CHRM4: variants seen among roughly 807,000 people sequenced by gnomAD.
The protein encoded by CHRM4 is cholinergic receptor muscarinic 4.
CHRM4 carries 5 observed loss-of-function variants against 26.3 expected under a neutral mutation model. The ratio of observed to expected loss-of-function variants is 0.19; its 90% CI spans 0.10 to 0.40. The LOEUF is 0.40. Among genes scored for constraint, CHRM4 ranks in the 10% least tolerant of loss-of-function variants. The pLI is 1.00. For missense variants in CHRM4, 402 were observed against 664.5 expected (o/e 0.60, Z 4.34); for synonymous variants, 290 against 285.3 (o/e 1.02, Z -0.16).
rs779329916 is a variant in CHRM4, at chr11:46,385,154, C to A, written c.1404G>T (p.Leu468=). The A allele has an allele frequency of 6.2e-7, 1 of 1,612,992 alleles. No homozygotes were observed. Among genetic ancestry groups the A allele is most frequent in the East Asian group, 2.2e-5 (1 of 44,860 alleles). ...ATFKKTFRHL[L]LCQYRNIGTA... is the part of the protein sequence containing the mutation. ...TGCCGATGTTCCGATACTGGCACAG[C>A]AGCAGGTGCCGGAAGGTCTTTTTAA... Residue 468 remains leucine (L), a synonymous_variant, in exon 2 of 2, where the codon CTG becomes CTT. Transcript: ENST00000682254. The surrounding 1 kb of genome is among the most constrained non-coding windows in gnomAD (Gnocchi z 6.3).
rs1202951109 is a variant in CHRM4, at chr11:46,384,695, C to T, written c.*423G>A. Among the ~76,000 whole-genome samples the T allele has an allele frequency of 6.6e-6, 1 of 152,210 alleles. No individual in the cohort carries two copies. The highest frequency in any genetic ancestry group is 1.5e-5 in the Non-Finnish European group (1 of 68,036). On this transcript the variant is annotated 3_prime_UTR_variant, in exon 2 of 2. Coordinates refer to ENST00000682254, the MANE Select transcript of CHRM4 (RefSeq NM_000741.5). ...AGGGGGCAGAAAGCACCGATTACAG[C>T]AGAATGGGGGACCCCACCCTTCTAC...
rs1303431154 is a variant in CHRM4, at chr11:46,383,801, A to G, written c.*1317T>C. The G allele has an allele frequency of 6.6e-6, 3 of 457,758 alleles. No individual in the cohort carries two copies. The highest frequency in any genetic ancestry group is 1.2e-5 in the Non-Finnish European group (3 of 243,870). 28.4% of individuals were successfully genotyped at this position (457,758 alleles called of 1,614,324 possible). ...CAAATAAACTGACTTTTTCCCCCCA[A>G]TAAAAGCTCTTCTTTTTTAATATAT... On this transcript the variant is annotated 3_prime_UTR_variant, in exon 2 of 2. Transcript: ENST00000682254.
At chr11:46,390,183 T>C (rs1191032043) in intron 1 of CHRM4, among the ~76,000 whole-genome samples, 1 of 152,044 alleles carries the variant, frequency 6.6e-6, no homozygotes, top group Admixed American at 6.6e-5. Context: ...GCCAGGAGCC[T>C]GCATCGGGAT....
chr11:46,386,508 C>T lies in CHRM4; in HGVS notation c.50G>A (p.Arg17His), dbSNP rs754403612. 12 of 1,613,052 alleles carry T rather than the reference C, an allele frequency of 7.4e-6. No homozygotes were observed. The highest frequency in any genetic ancestry group is 6.7e-5 in the Admixed American group (4 of 59,996). Residue 17 changes from arginine (R) to histidine (H), a missense_variant, in exon 2 of 2, where the codon CGC becomes CAC. Around this residue, in one of 5 missense-constraint regions of CHRM4, gnomAD observed 92 missense variants for 133.1 expected, o/e 0.69. Transcript: ENST00000682254. This position sits in a 1 kb window ranked among gnomAD's most constrained non-coding sequence, Gnocchi z 5.8. The part of the protein sequence containing the change: ...VNGSSGNQSV[R>H]LVTSSSHNRY... ...ATTGTGGGATGATGACGTGACCAGG[C>T]GCACGGACTGATTGCCCGAGCTGCC...
rs1006432797 is a variant in CHRM4, at chr11:46,391,328, G to A, written c.-30+203C>T. On this transcript the variant is annotated intron_variant, in intron 1 of 1. Coordinates refer to ENST00000682254, the MANE Select transcript of CHRM4 (RefSeq NM_000741.5). This position sits in a 1 kb window ranked among gnomAD's most constrained non-coding sequence, Gnocchi z 6.3. ...ACCCCCGACGGCTGCCCCTGGCTCC[G>A]TGGGGTCTGTGGGCGGGCAATCCCC... Among the ~76,000 whole-genome samples the A allele has an allele frequency of 6.6e-6, 1 of 152,064 alleles. No individual in the cohort carries two copies. Among genetic ancestry groups the A allele is most frequent in the African/African-American group, 2.4e-5 (1 of 41,420 alleles).
In CHRM4 at chr11:46,384,961, G is replaced by T; in HGVS notation, c.*157C>A. On this transcript the variant is annotated 3_prime_UTR_variant, in exon 2 of 2. Transcript: ENST00000682254. ...GCCTCCTCAGCCTGAGCAGAGATCT[G>T]GTCTCTGAATGCAGCCACAGAGCCT... 1 of 1,181,460 alleles carries T rather than the reference G, an allele frequency of 8.5e-7. No individual in the cohort carries two copies. The highest frequency in any genetic ancestry group is 1.2e-6 in the Non-Finnish European group (1 of 865,570). The allele number at this position is 1,181,460 out of a possible 1,614,324, so 73.2% of individuals were successfully genotyped here. A position where few individuals can be genotyped will look rare whatever the true frequency, so the allele number is the denominator to read the frequency against.
rs1395652676 is a variant in CHRM4, at chr11:46,391,630, G to A, written c.-129C>T. Among the ~76,000 whole-genome samples, 1 of 151,086 alleles carries A rather than the reference G, an allele frequency of 6.6e-6. No homozygotes were observed. The highest frequency in any genetic ancestry group is 2.4e-5 in the African/African-American group (1 of 41,268). On this transcript the variant is annotated 5_prime_UTR_variant, in exon 1 of 2. Coordinates refer to ENST00000682254, the MANE Select transcript of CHRM4 (RefSeq NM_000741.5). The surrounding 1 kb of genome is among the most constrained non-coding windows in gnomAD (Gnocchi z 6.3). ...GCGGAGCCACTTACCCGCCGCCTCT[G>A]CCCAGCTCCCCTCGCGCCAGACAGA...
intron 1 of CHRM4, among the ~76,000 whole-genome samples, chr11:46,388,759 C>G (rs757552171): frequency 6.6e-6 from 1 of 152,230 alleles, no homozygotes; most frequent in Non-Finnish European, 1.5e-5. Flanking sequence ...TGCCCTCCCC[C>G]AATCACTCAC....
intron 1 of CHRM4, among the ~76,000 whole-genome samples, chr11:46,389,640 C>T (rs534041612): frequency 3.9e-5 from 6 of 152,336 alleles, no homozygotes; most frequent in African/African-American, 1.2e-4. Flanking sequence ...CCGCCCCCAA[C>T]TCCAATGCGA....
chr11:46,389,826 G>T (rs1945375698), intron 1 of CHRM4, among the ~76,000 whole-genome samples: 1 of 152,242 alleles, frequency 6.6e-6, no homozygotes, highest in African/African-American at 2.4e-5. Flanking sequence ...ACGTGTGGGC[G>T]GGAGCGCGAG....
rs764557639 is a variant in CHRM4 at position 46,385,712 on chromosome 11, C to T, written c.846G>A (p.Pro282=). The change falls in exon 2 of 2, where the codon CCG becomes CCA. Residue 282 remains proline (P), a synonymous_variant. Coordinates refer to ENST00000682254, the MANE Select transcript of CHRM4 (RefSeq NM_000741.5). This position sits in a 1 kb window ranked among gnomAD's most constrained non-coding sequence, Gnocchi z 6.3. ...LEEAPPPALP[P]PPRPVADKDT... is the part of the protein sequence containing the mutation. ...CCTTATCAGCCACGGGGCGCGGTGG[C>T]GGTGGCAGCGCTGGCGGGGGGGCCT... 2.6e-5 allele frequency: 40 copies of T among 1,565,102 alleles called. No homozygotes were observed. Among genetic ancestry groups the T allele is most frequent in the South Asian group, 2.5e-4 (21 of 83,550 alleles).
At position 46,386,992 on chromosome 11, in the gene CHRM4, G is replaced by C. The variant is rs947896209; in HGVS notation, c.-29-406C>G. Among the ~76,000 whole-genome samples, 5 of 143,344 alleles carry C rather than the reference G, an allele frequency of 3.5e-5. No individual in the cohort carries two copies. The highest frequency in any genetic ancestry group is 1.2e-4 in the African/African-American group (5 of 40,832). The allele number at this position is 143,344 out of a possible 152,430, so 94.0% of individuals were successfully genotyped here. ...GCCACAGGAGGAGCTGTGGAGAGTG[G>C]CCCTGCCAGGGGCAGTAGCCACAGC... On this transcript the variant is annotated intron_variant, in intron 1 of 1. Coordinates refer to ENST00000682254, the MANE Select transcript of CHRM4 (RefSeq NM_000741.5). This position sits in a 1 kb window ranked among gnomAD's most constrained non-coding sequence, Gnocchi z 5.8.
Position 46,386,051 on chromosome 11 carries a change from C to A in CHRM4, c.507G>T (p.Leu169Phe). 1.2e-6 allele frequency: 2 copies of A among 1,613,338 alleles called. No individual in the cohort carries two copies. The highest frequency in any genetic ancestry group is 1.7e-6 in the Non-Finnish European group (2 of 1,179,746). ...GCTTACCCACCACAAACTGCCAGAA[C>A]AAGATGGCAGGCGCCCAGAGCACGA... ...LSFVLWAPAI[L>F]FWQFVVGKRT... is the part of the protein sequence containing the mutation. The change falls in exon 2 of 2, where the codon TTG becomes TTT. Residue 169 changes from leucine to phenylalanine, a missense_variant. Leu to Phe is a conservative substitution (Grantham distance 22). Coordinates refer to ENST00000682254, the MANE Select transcript of CHRM4 (RefSeq NM_000741.5). The surrounding 1 kb of genome is among the most constrained non-coding windows in gnomAD (Gnocchi z 5.8).
At position 46,384,140 on chromosome 11, in the gene CHRM4, C is replaced by G. The variant is rs562819256; in HGVS notation, c.*978G>C. ...CAGTCAAAGGTCTTTTGATACAACCCACAGCCAATCAGGAAGGTTCTACCC... is the reference window on the plus strand; with the variant it reads ...CAGTCAAAGGTCTTTTGATACAACCGACAGCCAATCAGGAAGGTTCTACCC... On this transcript the variant is annotated 3_prime_UTR_variant, in exon 2 of 2. Coordinates refer to ENST00000682254, the MANE Select transcript of CHRM4 (RefSeq NM_000741.5). Among the ~76,000 whole-genome samples, 80 of 152,324 alleles carry G rather than the reference C, an allele frequency of 5.3e-4. No homozygotes were observed. The South Asian group carries it at 0.016, about 30-fold the overall frequency.
Position 46,388,858 on chromosome 11 carries a change from G to A in CHRM4, c.-29-2272C>T, listed in dbSNP as rs1945367158. On this transcript the variant is annotated intron_variant, in intron 1 of 1. Transcript: ENST00000682254. ...GCCTCCCAAGGCAGGATACAGGGCA[G>A]CAGGATGATAACAAACGGGGCTAGA... Among the ~76,000 whole-genome samples the A allele has an allele frequency of 3.3e-5, 5 of 152,250 alleles. 1 individual carries two copies. The South Asian group carries it at 1.0e-3, about 31-fold the overall frequency.
chr11:46,390,893 C>T (rs148906031), intron 1 of CHRM4, among the ~76,000 whole-genome samples: 315 of 151,748 alleles, frequency 2.1e-3, no homozygotes, highest in Non-Finnish European at 3.5e-3. Flanking sequence ...GGCATTCACT[C>T]CATGGCTCTG....
Position 46,386,598 on chromosome 11 carries a change from G to C in CHRM4, c.-29-12C>G, listed in dbSNP as rs769403463. On this transcript the variant is annotated splice_polypyrimidine_tract_variant and intron_variant, in intron 1 of 1. Transcript: ENST00000682254. The surrounding 1 kb of genome is among the most constrained non-coding windows in gnomAD (Gnocchi z 5.8). ...TGGGTAGGCCGTGTCTGGGGAGGAA[G>C]GGGAGAGAAAAGCATGAACTACAGG... 1 of 1,593,578 alleles carries C rather than the reference G, an allele frequency of 6.3e-7. No individual in the cohort carries two copies. The highest frequency in any genetic ancestry group is 8.6e-7 in the Non-Finnish European group (1 of 1,166,998).
intron 1 of CHRM4, among the ~76,000 whole-genome samples, chr11:46,387,958 C>A (rs546523714): frequency 1.3e-5 from 2 of 152,214 alleles, no homozygotes; most frequent in Non-Finnish European, 2.9e-5. Flanking sequence ...CTCCGCACAC[C>A]GGGCGGCGCC....
At position 46,385,722 on chromosome 11, in the gene CHRM4, G is replaced by T; in HGVS notation, c.836C>A (p.Ala279Glu). 1 of 1,571,882 alleles carries T rather than the reference G, an allele frequency of 6.4e-7. No homozygotes were observed. The change falls in exon 2 of 2, where the codon GCG (alanine) becomes GAG (glutamate). Residue 279 changes from alanine to glutamate, a missense_variant. Coordinates refer to ENST00000682254, the MANE Select transcript of CHRM4 (RefSeq NM_000741.5). This position sits in a 1 kb window ranked among gnomAD's most constrained non-coding sequence, Gnocchi z 6.3. ...CACGGGGCGCGGTGGCGGTGGCAGC[G>T]CTGGCGGGGGGGCCTCCTCCAGCTT... ...NGKLEEAPPP[A>E]LPPPPRPVAD... is the part of the protein sequence containing the mutation.
Sources: gnomAD v4.1 joint callset for allele counts (sites outside exome capture counted in the v4.1 genomes callset) on GRCh38, gnomAD v4.1.1 for gene constraint, gnomAD v4.1.1 regional missense constraint, Gnocchi (gnomAD v3.1) non-coding constraint, MANE v1.5 for transcripts, NCBI Gene and HGNC (gene_info 2026-07-23, HGNC 2026-07-21) for gene names.